Variants in LRRC63 observed in about 807,000 individuals in gnomAD.
LRRC63 encodes the protein leucine-rich repeat-containing protein 63.
In LRRC63, 40 loss-of-function variants were observed where a neutral mutation model predicts 49.5. That is an observed-to-expected ratio of 0.81 (90% CI 0.63 to 1.05). The LOEUF (loss-of-function observed/expected upper bound fraction) is 1.05, where lower values mean the gene tolerates loss of function less well. LRRC63 is among the 50% of genes least tolerant of loss of function. The pLI is 0.00. For missense variants in LRRC63, 636 were observed against 663.1 expected, an observed-to-expected ratio of 0.96 and a Z score of 0.45; for synonymous variants, 191 against 221.1, an observed-to-expected ratio of 0.86 and a Z score of 1.21.
At chr13:46,251,733 CTATATATGTATAAA>C (rs1404999626) in intron 7 of LRRC63, among the ~76,000 whole-genome samples, 2 of 151,734 alleles carry the variant, frequency 1.3e-5, no homozygotes, top group African/African-American at 4.8e-5. Context: ...ACACACAGAA[CTATATATGTATAAA>C]TATATATGTA....
At chr13:46,248,914 TA>T (rs1158618656) in intron 6 of LRRC63, among the ~76,000 whole-genome samples, 11 of 67,506 alleles carry the variant, frequency 1.6e-4, no homozygotes, top group Non-Finnish European at 8.3e-5. Context: ...TCAATAAATT[TA>T]AAAGGATTGA....
chr13:46,253,539 T>C (rs75756743), intron 7 of LRRC63, among the ~76,000 whole-genome samples: 189 of 152,176 alleles, frequency 1.2e-3, no homozygotes, highest in African/African-American at 4.2e-3. Flanking sequence ...GGAAATGACA[T>C]TTAAGCAGAA....
rs1555330592 is a variant in LRRC63 at position 46,276,826 on chromosome 13, G to GCATA, written c.*23_*24insCATA. The GCATA allele has an allele frequency of 7.9e-3, 1,300 of 165,312 alleles. 39 individuals carry two copies. The highest frequency in any genetic ancestry group is 0.041 in the African/African-American group (1,232 of 30,394). The allele number at this position is 165,312 out of a possible 1,614,324, so 10.2% of individuals were successfully genotyped here. The stretch of plus-strand genomic sequence containing the variant: ...TAGTACAATGATTTATCGTATGTGT[G>GCATA]TGTATATATATATATATATATATAT... On this transcript the variant is annotated 3_prime_UTR_variant, in exon 10 of 10. Coordinates refer to ENST00000595396, the Ensembl canonical transcript of LRRC63.
intron 7 of LRRC63, among the ~76,000 whole-genome samples, chr13:46,261,219 G>T (rs2047608222): frequency 6.6e-6 from 1 of 152,226 alleles, no homozygotes; most frequent in Non-Finnish European, 1.5e-5. Flanking sequence ...TAATGCAATT[G>T]TAGTGGGTTG....
At position 46,221,487 on chromosome 13, in the gene LRRC63, G is replaced by A. The variant is rs114549526; in HGVS notation, c.86-6025G>A. On this transcript the variant is annotated intron_variant, in intron 2 of 9. Transcript: ENST00000595396. ...TTAATACCGATTCTGATAATTCAGC[G>A]AAAACATGGTATGACAATATCAGAA... Among the ~76,000 whole-genome samples, 129 of 152,294 alleles carry A rather than the reference G, an allele frequency of 8.5e-4. 1 individual carries two copies. Among genetic ancestry groups the A allele is most frequent in the Middle Eastern group, 3.4e-3 (1 of 294 alleles).
At chr13:46,252,789 T>C (rs2047417443) in intron 7 of LRRC63, among the ~76,000 whole-genome samples, 1 of 151,980 alleles carries the variant, frequency 6.6e-6, no homozygotes, top group Non-Finnish European at 1.5e-5. Context: ...GCAGCATATA[T>C]AACATGAGAT....
rs929527951 is a variant in LRRC63, at chr13:46,259,077, G to A, written c.1227-2832G>A. Among the ~76,000 whole-genome samples, 5 of 152,106 alleles carry A rather than the reference G, an allele frequency of 3.3e-5. No homozygotes were observed. In the East Asian group the frequency reaches 9.6e-4, roughly 29 times the overall value. On this transcript the variant is annotated intron_variant, in intron 7 of 9. Transcript: ENST00000595396. ...GAGCAACTTAGGGCATACTGTGTGA[G>A]GCAGCATGGAGGCAGGAAAGCTCAG... is the stretch of plus-strand genomic sequence containing the variant.
At chr13:46,240,096 C>G (rs895804899) in intron 5 of LRRC63, among the ~76,000 whole-genome samples, 1 of 150,848 alleles carries the variant, frequency 6.6e-6, no homozygotes, top group Admixed American at 6.6e-5. Flanking sequence ...TGGAACAAGT[C>G]AAGGATACCC....
chr13:46,227,963 A>G (rs763849284), exon 3 of LRRC63: 16 of 1,550,730 alleles, frequency 1.0e-5, no homozygotes, highest in East Asian at 2.4e-5. Flanking sequence ...CTAAGCATCA[A>G]CCTTTACCAG....
chr13:46,235,473 T>C (rs1263859104), intron 5 of LRRC63, among the ~76,000 whole-genome samples: 1 of 152,034 alleles, frequency 6.6e-6, no homozygotes, highest in African/African-American at 2.4e-5. Flanking sequence ...CAATAGTAGA[T>C]GTGATCAGGC....
At chr13:46,247,917 G>A (rs921749026) in intron 6 of LRRC63, among the ~76,000 whole-genome samples, 5 of 151,974 alleles carry the variant, frequency 3.3e-5, no homozygotes, top group African/African-American at 1.2e-4. Flanking sequence ...TAAAATCATA[G>A]TAATAAGTAT....
chr13:46,245,735 T>G (rs1217209529), intron 5 of LRRC63, among the ~76,000 whole-genome samples: 3 of 152,140 alleles, frequency 2.0e-5, no homozygotes, highest in Non-Finnish European at 2.9e-5. Context: ...AAGTTTCAGA[T>G]AGATGCTAGA....
At chr13:46,250,951 T>G (rs2047362386) in intron 7 of LRRC63, among the ~76,000 whole-genome samples, 1 of 151,904 alleles carries the variant, frequency 6.6e-6, no homozygotes, top group South Asian at 2.1e-4. Context: ...TTATATGATA[T>G]CTAAGACCCT....
At chr13:46,227,385 T>C (rs1265675526) in intron 2 of LRRC63, 127 bp from the exon 3 acceptor site, 4 of 633,328 alleles carry the variant, frequency 6.3e-6, no homozygotes, top group Non-Finnish European at 1.0e-5. Context: ...GCTGAGCAAG[T>C]GTATACAGAA....
intron 6 of LRRC63, 103 bp from the exon 7 acceptor site, chr13:46,250,252 A>G (rs187019949): frequency 4.5e-5 from 46 of 1,026,270 alleles, no homozygotes; most frequent in Non-Finnish European, 5.8e-5. Context: ...TAATGTTGCT[A>G]TAATGATTCT....
At chr13:46,275,228 A>T (rs2047817753) in intron 9 of LRRC63, among the ~76,000 whole-genome samples, 1 of 152,192 alleles carries the variant, frequency 6.6e-6, no homozygotes, top group African/African-American at 2.4e-5. Flanking sequence ...CTGTTGATAA[A>T]CATTTAGGTC....
chr13:46,226,908 C>T (rs1255940622), intron 2 of LRRC63, among the ~76,000 whole-genome samples: 21 of 152,138 alleles, frequency 1.4e-4, no homozygotes, highest in Admixed American at 1.2e-3. Flanking sequence ...CATTCTGTTG[C>T]ATAGGAAAGA....
At chr13:46,223,251 G>A (rs1172079468) in intron 2 of LRRC63, among the ~76,000 whole-genome samples, 1 of 151,794 alleles carries the variant, frequency 6.6e-6, no homozygotes, top group Non-Finnish European at 1.5e-5. Context: ...TATAAAAAGG[G>A]TGTCCTTTCC....
chr13:46,264,864 G>A (rs2047661611), intron 8 of LRRC63, among the ~76,000 whole-genome samples: 1 of 152,138 alleles, frequency 6.6e-6, no homozygotes, highest in South Asian at 2.1e-4. Context: ...TAGCTTTAAG[G>A]ATGGCTTAGC....
Sources: gnomAD v4.1 joint callset for allele counts (sites outside exome capture counted in the v4.1 genomes callset) on GRCh38, gnomAD v4.1.1 for gene constraint, MANE v1.5 for transcripts, NCBI Gene and HGNC (gene_info 2026-07-23, HGNC 2026-07-21) for gene names.